RORA: variants seen among roughly 807,000 people sequenced by gnomAD.
The protein encoded by RORA is nuclear receptor ROR-alpha.
Under a neutral mutation model 69.5 loss-of-function variants are expected in RORA, and 7 were observed. The ratio of observed to expected loss-of-function variants is 0.10; its 90% CI spans 0.06 to 0.19. The LOEUF (loss-of-function observed/expected upper bound fraction) is 0.19. Ranked by LOEUF, RORA falls within the 10% of genes least tolerant of loss-of-function variation. The pLI is 1.00. For synonymous variants in RORA, 261 were observed against 240.8 expected (o/e 1.08, Z -0.78); for missense variants, 457 against 663.0 (o/e 0.69, Z 3.41).
intron 1 of RORA, among the ~76,000 whole-genome samples, chr15:61,203,737 C>G (rs898981267): frequency 1.3e-5 from 2 of 152,134 alleles, no homozygotes; most frequent in African/African-American, 4.8e-5. Flanking sequence ...TAAATAGATC[C>G]ATGCTTAAAC....
chr15:60,550,194 G>C (rs2067192631), intron 2 of RORA, among the ~76,000 whole-genome samples: 1 of 152,224 alleles, frequency 6.6e-6, no homozygotes, highest in Non-Finnish European at 1.5e-5. Context: ...GGGAGGCTGA[G>C]GCAGAGAATT....
chr15:60,846,924 C>T (rs1053006833), intron 1 of RORA, among the ~76,000 whole-genome samples: 1 of 152,154 alleles, frequency 6.6e-6, no homozygotes, highest in Non-Finnish European at 1.5e-5. Flanking sequence ...TTCATAACCC[C>T]TTTTAATATC....
At chr15:60,839,287 G>T (rs949150921) in intron 1 of RORA, among the ~76,000 whole-genome samples, 17 of 152,006 alleles carry the variant, frequency 1.1e-4, no homozygotes, top group African/African-American at 4.1e-4. Context: ...TGACAATTTT[G>T]ACTAAACAAT....
At chr15:61,076,333 C>G (rs968986581) in intron 1 of RORA, among the ~76,000 whole-genome samples, 3 of 151,918 alleles carry the variant, frequency 2.0e-5, no homozygotes, top group African/African-American at 7.3e-5. Flanking sequence ...TTCCCAGGAT[C>G]TCACTTATTG....
intron 1 of RORA, among the ~76,000 whole-genome samples, chr15:60,922,908 T>C (rs1159798363): frequency 6.6e-6 from 1 of 152,232 alleles, no homozygotes; most frequent in Non-Finnish European, 1.5e-5. Flanking sequence ...GCAGATACTA[T>C]TGTCACACAT....
intron 2 of RORA, among the ~76,000 whole-genome samples, chr15:60,556,686 T>C (rs1180406344): frequency 6.6e-6 from 1 of 152,204 alleles, no homozygotes; most frequent in East Asian, 1.9e-4. Context: ...CATGAGTCTA[T>C]TGGCCACGAA....
At chr15:61,188,792 C>T (rs1280941310) in intron 1 of RORA, among the ~76,000 whole-genome samples, 4 of 152,278 alleles carry the variant, frequency 2.6e-5, no homozygotes, top group South Asian at 4.1e-4. Context: ...GTCTCAAAAA[C>T]GTCTAACGTC....
chr15:60,533,444 T>C (rs1309598814), intron 2 of RORA, among the ~76,000 whole-genome samples: 1 of 152,178 alleles, frequency 6.6e-6, no homozygotes, highest in African/African-American at 2.4e-5. Context: ...TTTGCAAGTC[T>C]GCCTCATGTT....
intron 1 of RORA, among the ~76,000 whole-genome samples, chr15:60,907,261 A>G (rs1442427448): frequency 2.6e-5 from 4 of 152,200 alleles, no homozygotes; most frequent in Non-Finnish European, 4.4e-5. Context: ...CTTGGAGGCA[A>G]GATAAAGGCA....
intron 1 of RORA, among the ~76,000 whole-genome samples, chr15:60,890,998 T>C (rs1306592744): frequency 6.6e-6 from 1 of 152,154 alleles, no homozygotes; most frequent in Non-Finnish European, 1.5e-5. Flanking sequence ...GGCGGTTGAA[T>C]AGGATTCACA....
intron 1 of RORA, among the ~76,000 whole-genome samples, chr15:60,840,260 G>T (rs1412122952): frequency 6.6e-6 from 1 of 152,246 alleles, no homozygotes; most frequent in Non-Finnish European, 1.5e-5. Context: ...AGAGGGAAAG[G>T]AAGGATGCCT....
chr15:60,815,670 A>G (rs1480756424), intron 1 of RORA, among the ~76,000 whole-genome samples: 4 of 126,984 alleles, frequency 3.1e-5, no homozygotes, highest in African/African-American at 1.2e-4. Flanking sequence ...CCCCGCCACC[A>G]CTTACTTCCA....
At position 60,749,111 on chromosome 15, in the gene RORA, A is replaced by G. The variant is rs969270348; in HGVS notation, c.167-70425T>C. ...TTTATGAGCAGTGGTCTTTCCCCCT[A>G]TTCTCTCTTGGATGGAATTTTGAGA... On this transcript the variant is annotated intron_variant, in intron 1 of 10. Coordinates refer to ENST00000335670, the MANE Select transcript of RORA (RefSeq NM_134261.3). Among the ~76,000 whole-genome samples the G allele has an allele frequency of 1.6e-4, 24 of 152,292 alleles. No individual in the cohort carries two copies. In the East Asian group the frequency reaches 1.9e-3, roughly 12 times the overall value.
intron 1 of RORA, among the ~76,000 whole-genome samples, chr15:61,169,588 G>C (rs1176441419): frequency 6.8e-6 from 1 of 146,978 alleles, no homozygotes. Context: ...AGCCTTTCTA[G>C]CCTTGATGTT....
At chr15:60,862,635 T>G (rs1340102132) in intron 1 of RORA, among the ~76,000 whole-genome samples, 1 of 152,196 alleles carries the variant, frequency 6.6e-6, no homozygotes, top group Non-Finnish European at 1.5e-5. Context: ...AGGTGTATTT[T>G]GGGTAAAAAA....
chr15:60,629,380 T>A lies in RORA; in HGVS notation c.196+49277A>T, dbSNP rs1169330856. ...TTTTGCATTTTTAGTAGATACGAGG[T>A]TTTGCCATGTTGGCCAGGATGACTG... is the stretch of plus-strand genomic sequence containing the variant. On this transcript the variant is annotated intron_variant, in intron 2 of 10. Coordinates refer to ENST00000335670, the MANE Select transcript of RORA (RefSeq NM_134261.3). Among the ~76,000 whole-genome samples, 3 of 151,898 alleles carry A rather than the reference T, an allele frequency of 2.0e-5. No individual in the cohort carries two copies. The East Asian group carries it at 5.8e-4, about 29-fold the overall frequency.
intron 2 of RORA, among the ~76,000 whole-genome samples, chr15:60,541,602 C>T (rs757991090): frequency 1.3e-5 from 2 of 152,160 alleles, no homozygotes; most frequent in Non-Finnish European, 2.9e-5. Flanking sequence ...AAGGGAAATA[C>T]AGAAAGAGGC....
At chr15:60,992,830 A>G (rs1485873863) in intron 1 of RORA, among the ~76,000 whole-genome samples, 1 of 152,210 alleles carries the variant, frequency 6.6e-6, no homozygotes, top group African/African-American at 2.4e-5. Context: ...TGGTTTGAGT[A>G]CTTAACTGAT....
At chr15:61,092,102 G>C (rs2078716323) in intron 1 of RORA, among the ~76,000 whole-genome samples, 1 of 152,206 alleles carries the variant, frequency 6.6e-6, no homozygotes, top group African/African-American at 2.4e-5. Context: ...ACAATGTATT[G>C]TTTGGGATCA....
Sources: allele counts gnomAD v4.1 joint callset (sites outside exome capture counted in the v4.1 genomes callset), GRCh38; gene constraint gnomAD v4.1.1; transcripts MANE v1.5; gene names NCBI Gene and HGNC (gene_info 2026-07-23, HGNC 2026-07-21).